Variants in KIF1A observed in about 807,000 individuals in gnomAD.
The protein encoded by KIF1A is kinesin family member 1A, also known as kinesin-like protein KIF1A.
Under a neutral mutation model 227.3 loss-of-function variants are expected in KIF1A, and 46 were observed. The ratio of observed to expected loss-of-function variants is 0.20; its 90% CI spans 0.16 to 0.26. KIF1A has a LOEUF of 0.26. KIF1A is among the 10% of genes least tolerant of loss of function. The pLI is 1.00. For synonymous variants in KIF1A, 1,022 were observed against 1,012.8 expected (o/e 1.01, Z -0.17); for missense variants, 1,683 against 2,485.9 (o/e 0.68, Z 6.87).
At chr2:240,765,839 G>A (rs755257818) in intron 19 of KIF1A, 46 bp from the exon 20 acceptor site, 5 of 1,441,052 alleles carry the variant, frequency 3.5e-6, no homozygotes, top group South Asian at 3.4e-5. Flanking sequence ...ATGAGGGGCT[G>A]TCACCTACAG....
chr2:240,757,213 C>G lies in KIF1A; in HGVS notation c.2858+106G>C, dbSNP rs1453431915. On this transcript the variant is annotated intron_variant, in intron 27 of 48. Coordinates refer to ENST00000498729, the MANE Select transcript of KIF1A (RefSeq NM_001244008.2). This position sits in a 1 kb window ranked among gnomAD's most constrained non-coding sequence, Gnocchi z 6.2. The stretch of plus-strand genomic sequence containing the variant: ...AGCCCCTCCACCTGCCTCGCCTGCC[C>G]TGGGAGGGCCCGGGCCAGGCCCCAG... 2 of 1,211,440 alleles carry G rather than the reference C, an allele frequency of 1.7e-6. No homozygotes were observed. Among genetic ancestry groups the G allele is most frequent in the Non-Finnish European group, 2.3e-6 (2 of 861,646 alleles). The allele number at this position is 1,211,440 out of a possible 1,614,324, so 75.0% of individuals were successfully genotyped here.
rs531998312 is a variant in KIF1A at position 240,781,809 on chromosome 2, A to G, written c.882+781T>C. 9 of 984,992 alleles carry G rather than the reference A, an allele frequency of 9.1e-6. No individual in the cohort carries two copies. The African/African-American group carries it at 1.6e-4, about 17-fold the overall frequency. 61.0% of individuals were successfully genotyped at this position (984,992 alleles called of 1,614,324 possible). On this transcript the variant is annotated intron_variant, in intron 10 of 48. Coordinates refer to ENST00000498729, the MANE Select transcript of KIF1A (RefSeq NM_001244008.2). ...CGCCTGGCTCCCACTCGGGTTCGCC[A>G]CACCGTTCTCCACAGTTCCCCACTC...
intron 17 of KIF1A, among the ~76,000 whole-genome samples, chr2:240,767,640 C>T (rs912842166): frequency 3.3e-5 from 5 of 152,278 alleles, no homozygotes; most frequent in Non-Finnish European, 7.3e-5. Context: ...TCCAGAAGGG[C>T]AGACAGCCCC....
At position 240,752,386 on chromosome 2, in the gene KIF1A, T is replaced by C. The variant is rs546854460; in HGVS notation, c.2859-1839A>G. 5.9e-5 allele frequency among the ~76,000 whole-genome samples: 9 copies of C among 152,270 alleles called. No homozygotes were observed. Among genetic ancestry groups the C allele is most frequent in the South Asian group, 2.1e-4 (1 of 4,818 alleles). On this transcript the variant is annotated intron_variant, in intron 27 of 48. Coordinates refer to ENST00000498729, the MANE Select transcript of KIF1A (RefSeq NM_001244008.2). This position sits in a 1 kb window ranked among gnomAD's most constrained non-coding sequence, Gnocchi z 6.4. ...AGGGCGGGGCCCCTCCCCACAGTCC[T>C]GCTGGGTGCTCCGCAGGCAGGGACT...
At chr2:240,816,325 C>T (rs770920183) in intron 1 of KIF1A, among the ~76,000 whole-genome samples, 8 of 151,658 alleles carry the variant, frequency 5.3e-5, no homozygotes, top group Non-Finnish European at 1.0e-4. Context: ...GGTGGGTGTG[C>T]GTGCATGTGT....
chr2:240,813,329 G>A (rs116355731), intron 1 of KIF1A, among the ~76,000 whole-genome samples: 4,906 of 152,340 alleles, frequency 0.032, 272 homozygotes, highest in African/African-American at 0.11. Context: ...TGCAAAGGGC[G>A]TGGGAGAGGC....
intron 48 of KIF1A, 66 bp downstream of exon 48, chr2:240,717,984 C>T: frequency 9.7e-7 from 1 of 1,036,264 alleles, no homozygotes; most frequent in Non-Finnish European, 1.5e-6. Flanking sequence ...ATCAAATGGT[C>T]CTGGCCAGGA....
chr2:240,799,208 G>A (rs917348615), intron 1 of KIF1A, among the ~76,000 whole-genome samples: 1 of 152,102 alleles, frequency 6.6e-6, no homozygotes, highest in East Asian at 1.9e-4. Context: ...AGGAAAGGGG[G>A]CACAGCGAGC....
chr2:240,723,670 G>GCTTCCC, intron 41 of KIF1A, 112 bp from the exon 42 acceptor site: 1 of 1,255,640 alleles, frequency 8.0e-7, no homozygotes, highest in Non-Finnish European at 1.1e-6. Flanking sequence ...GTGGAGATGG[G>GCTTCCC]CTTCCCCTGG....
intron 11 of KIF1A, 91 bp from the exon 12 acceptor site, chr2:240,774,352 G>GGGA: frequency 1.3e-6 from 1 of 777,378 alleles, no homozygotes; most frequent in Non-Finnish European, 2.2e-6. Context: ...TACAGATGGG[G>GGGA]AGGCTGAGGC....
chr2:240,807,128 G>GTATATATA (rs1187764562), intron 1 of KIF1A, among the ~76,000 whole-genome samples: 4 of 91,048 alleles, frequency 4.4e-5, no homozygotes, highest in Admixed American at 1.1e-4. Flanking sequence ...GTGTGTGTGT[G>GTATATATA]TGTATATATA....
intron 38 of KIF1A, among the ~76,000 whole-genome samples, chr2:240,729,691 G>A (rs1177488101): frequency 1.3e-5 from 2 of 152,264 alleles, no homozygotes; most frequent in Non-Finnish European, 2.9e-5. Context: ...GAATTTCTCA[G>A]TTCAGGTAGT....
chr2:240,780,407 C>T (rs1187263403), intron 10 of KIF1A, among the ~76,000 whole-genome samples: 2 of 152,200 alleles, frequency 1.3e-5, no homozygotes, highest in South Asian at 4.1e-4. Context: ...CCAAGCGATT[C>T]CCCACACACT....
intron 47 of KIF1A, 91 bp downstream of exon 47, chr2:240,718,915 C>T: frequency 1.8e-6 from 2 of 1,086,268 alleles, no homozygotes; most frequent in Non-Finnish European, 1.4e-6. Flanking sequence ...GATGGGCCTC[C>T]TGCTCTGACG....
Position 240,736,338 on chromosome 2 carries a change from C to T in KIF1A, c.4007+725G>A, listed in dbSNP as rs1226863850. ...CCAGGACTGGACACTGGAGCCCCCG[C>T]CTCACTTTCCCCAAGCCCCTGGAAG... On this transcript the variant is annotated intron_variant, in intron 38 of 48. Transcript: ENST00000498729. The surrounding 1 kb of genome is among the most constrained non-coding windows in gnomAD (Gnocchi z 4.7). 6.6e-6 allele frequency among the ~76,000 whole-genome samples: 1 copy of T among 152,068 alleles called. No individual in the cohort carries two copies. Among genetic ancestry groups the T allele is most frequent in the Non-Finnish European group, 1.5e-5 (1 of 67,998 alleles).
intron 1 of KIF1A, among the ~76,000 whole-genome samples, chr2:240,803,610 C>T (rs6414222): frequency 0.45 from 67,691 of 152,014 alleles, 16,261 homozygotes; most frequent in African/African-American, 0.64. Flanking sequence ...ATACCACAAA[C>T]AGGACATGGA....
intron 28 of KIF1A, among the ~76,000 whole-genome samples, 174 bp downstream of exon 28, chr2:240,750,255 G>T (rs1329520614): frequency 6.6e-6 from 1 of 152,212 alleles, no homozygotes; most frequent in African/African-American, 2.4e-5. Flanking sequence ...AGGACAGCGT[G>T]GAAAAACAGC....
chr2:240,791,234 T>G (rs2055631859), intron 2 of KIF1A, among the ~76,000 whole-genome samples: 1 of 152,092 alleles, frequency 6.6e-6, no homozygotes, highest in South Asian at 2.1e-4. Context: ...ACAGCACCCG[T>G]GGCGCCGCCT....
At chr2:240,721,965 C>G in intron 43 of KIF1A, 81 bp from the exon 44 acceptor site, 3 of 1,186,978 alleles carry the variant, frequency 2.5e-6, no homozygotes, top group Non-Finnish European at 3.6e-6. Flanking sequence ...CTTCTACCCA[C>G]CCCTCCCCAG....
Sources: gnomAD v4.1 joint callset for allele counts (sites outside exome capture counted in the v4.1 genomes callset) on GRCh38, gnomAD v4.1.1 for gene constraint, Gnocchi (gnomAD v3.1) non-coding constraint, MANE v1.5 for transcripts, NCBI Gene and HGNC (gene_info 2026-07-23, HGNC 2026-07-21) for gene names.